ADCY8: variants seen among roughly 807,000 people sequenced by gnomAD.
The protein encoded by ADCY8 is adenylate cyclase type 8.
ADCY8 carries 51 observed loss-of-function variants against 119.7 expected under a neutral mutation model. The observed-to-expected ratio is 0.43, with a 90% CI of 0.34 to 0.54. ADCY8 has a LOEUF of 0.54. ADCY8 is among the 20% of genes least tolerant of loss of function. The probability of loss-of-function intolerance (pLI) is 0.03; values close to 1 mark genes in which losing one functional copy is unlikely to be tolerated. For missense variants in ADCY8, 1,383 were observed against 1,598.8 expected (o/e 0.87, Z 2.30); for synonymous variants, 665 against 651.0 (o/e 1.02, Z -0.33).
intron 15 of ADCY8, among the ~76,000 whole-genome samples, chr8:130,794,332 C>T (rs1586419318): frequency 6.6e-6 from 1 of 152,238 alleles, no homozygotes; most frequent in Non-Finnish European, 1.5e-5. Context: ...GCAACCTCCA[C>T]TTCCCAGGTT....
intron 12 of ADCY8, 124 bp downstream of exon 12, chr8:130,836,153 G>T: frequency 9.2e-7 from 1 of 1,090,982 alleles, no homozygotes; most frequent in Non-Finnish European, 1.3e-6. Flanking sequence ...TGCCTGATTT[G>T]AGATATAAGT....
At chr8:130,956,484 G>A (rs1195877143) in intron 2 of ADCY8, among the ~76,000 whole-genome samples, 1 of 152,132 alleles carries the variant, frequency 6.6e-6, no homozygotes, top group East Asian at 1.9e-4. Flanking sequence ...GTGGTGAAGG[G>A]GATTAGTCAC....
Position 131,040,328 on chromosome 8 carries a change from C to A in ADCY8, c.6G>T (p.Glu2Asp). Reference protein sequence around the residue: MELSDVRCLTGS... With the variant: MDLSDVRCLTGS... ...CTGTAAGGCAGCGCACATCGGAGAG[C>A]TCCATGGCTCTGGGCCGCAGGGAAG... The change falls in exon 1 of 18, where the codon GAG (glutamate) becomes GAT (aspartate). Residue 2 changes from glutamate to aspartate, a missense_variant. Around this residue, in one of 2 missense-constraint regions of ADCY8, gnomAD observed 455 missense variants for 435.3 expected, o/e 1.05. Transcript: ENST00000286355. 6.6e-7 allele frequency: 1 copy of A among 1,516,742 alleles called. No homozygotes were observed. The highest frequency in any genetic ancestry group is 8.8e-7 in the Non-Finnish European group (1 of 1,137,342). The allele number at this position is 1,516,742 out of a possible 1,614,324, so 94.0% of individuals were successfully genotyped here.
intron 7 of ADCY8, among the ~76,000 whole-genome samples, chr8:130,899,560 C>T (rs570247214): frequency 1.3e-5 from 2 of 151,532 alleles, no homozygotes; most frequent in Non-Finnish European, 2.9e-5. Flanking sequence ...GAGCCGAGAT[C>T]GTGCCATTGC....
intron 5 of ADCY8, among the ~76,000 whole-genome samples, chr8:130,925,421 A>G (rs1331011031): frequency 6.6e-6 from 1 of 152,116 alleles, no homozygotes; most frequent in Non-Finnish European, 1.5e-5. Flanking sequence ...GAATTTTCCT[A>G]TTTGAAATTG....
At chr8:131,007,866 T>C (rs1467622098) in intron 1 of ADCY8, among the ~76,000 whole-genome samples, 2 of 151,276 alleles carry the variant, frequency 1.3e-5, no homozygotes, top group African/African-American at 4.9e-5. Flanking sequence ...ACTTACTGCA[T>C]AGAGGAATGA....
At chr8:130,932,353 C>T (rs548065675) in intron 5 of ADCY8, among the ~76,000 whole-genome samples, 86 of 152,274 alleles carry the variant, frequency 5.6e-4, no homozygotes, top group Non-Finnish European at 4.3e-4. Context: ...TATCTGCCAT[C>T]GGGGCGTGTG....
intron 7 of ADCY8, among the ~76,000 whole-genome samples, chr8:130,897,366 C>G (rs193069285): frequency 6.6e-6 from 1 of 152,180 alleles, no homozygotes; most frequent in Admixed American, 6.5e-5. Context: ...TGTTCACCAG[C>G]CCAGCCAGCC....
chr8:130,999,331 C>A (rs1822872574), intron 1 of ADCY8, among the ~76,000 whole-genome samples: 1 of 152,138 alleles, frequency 6.6e-6, no homozygotes, highest in African/African-American at 2.4e-5. Flanking sequence ...CTCACTTTCC[C>A]CTTCTCGTTC....
Position 130,992,377 on chromosome 8 carries a change from T to TATATATATTGAGCAACCGTGC in ADCY8, c.961-1836_961-1835insGCACGGTTGCTCAATATATAT, listed in dbSNP as rs1563758935. 4.9e-5 allele frequency among the ~76,000 whole-genome samples: 6 copies of TATATATATTGAGCAACCGTGC among 122,966 alleles called. 1 individual carries two copies. The highest frequency in any genetic ancestry group is 4.9e-4 in the Admixed American group (6 of 12,340). The allele number at this position is 122,966 out of a possible 152,430, so 80.7% of individuals were successfully genotyped here. On this transcript the variant is annotated intron_variant, in intron 1 of 17. Coordinates refer to ENST00000286355, the MANE Select transcript of ADCY8 (RefSeq NM_001115.3). Reference sequence around the variant, plus strand: ...GGGATTACATACATGAGCAACTGTATCTGGCATATATATATATATATATAT... The same window carrying TATATATATTGAGCAACCGTGC: ...GGGATTACATACATGAGCAACTGTATATATATATTGAGCAACCGTGCCTGGCATATATATATATATATATAT...
chr8:130,904,426 C>G (rs1298876912), intron 6 of ADCY8, among the ~76,000 whole-genome samples: 1 of 150,072 alleles, frequency 6.7e-6, no homozygotes, highest in Non-Finnish European at 1.5e-5. Flanking sequence ...GTTTCTGAAC[C>G]CCAGTGGCAA....
intron 5 of ADCY8, among the ~76,000 whole-genome samples, chr8:130,919,940 C>T (rs781198171): frequency 3.3e-5 from 5 of 151,996 alleles, no homozygotes; most frequent in Non-Finnish European, 5.9e-5. Flanking sequence ...ACATTATTAT[C>T]CCCATTTCCT....
At position 130,780,645 on chromosome 8, in the gene ADCY8, C is replaced by T. The variant is rs73354865; in HGVS notation, c.3501G>A (p.Thr1167=). The stretch of plus-strand genomic sequence containing the variant: ...GTTGGACTCTTCCCAGAAGAAAGTA[C>T]GTTTTGATTTTTCCTTCCTGTTCAC... ...GISEQEGKIK[T]YFLLGRVQPN... Residue 1167 remains threonine, a synonymous_variant, in exon 18 of 18, where the codon ACG becomes ACA. Transcript: ENST00000286355. The T allele has an allele frequency of 6.4e-5, 103 of 1,614,044 alleles. No individual in the cohort carries two copies. In the Admixed American group the frequency reaches 9.7e-4, roughly 15 times the overall value.
intron 5 of ADCY8, 109 bp downstream of exon 5, chr8:130,936,964 A>G: frequency 7.4e-7 from 1 of 1,345,968 alleles, no homozygotes; most frequent in Non-Finnish European, 9.9e-7. Flanking sequence ...AAATAAGTCA[A>G]AAGGTTCTGC....
chr8:130,867,899 T>C lies in ADCY8; in HGVS notation c.2157A>G (p.Ala719=), dbSNP rs1228745292. The change falls in exon 9 of 18, where the codon GCA becomes GCG. Residue 719 remains alanine, a synonymous_variant. Coordinates refer to ENST00000286355, the MANE Select transcript of ADCY8 (RefSeq NM_001115.3). ...CCGTGATAAATAGAAGAACGATAAA[T>C]GCACAGACCAAGTTTGACTTGAACA... ...DEVFKSNLVC[A]FIVLLFITAI... is the part of the protein sequence containing the mutation. The C allele has an allele frequency of 6.2e-7, 1 of 1,612,286 alleles. No homozygotes were observed. Among genetic ancestry groups the C allele is most frequent in the African/African-American group, 1.3e-5 (1 of 75,000 alleles).
At chr8:131,031,645 G>A (rs1407147407) in intron 1 of ADCY8, among the ~76,000 whole-genome samples, 1 of 152,140 alleles carries the variant, frequency 6.6e-6, no homozygotes, top group East Asian at 1.9e-4. Flanking sequence ...TTGAGGCCTT[G>A]AGTTCAATCT....
intron 14 of ADCY8, among the ~76,000 whole-genome samples, chr8:130,808,721 C>T (rs1033560609): frequency 2.0e-5 from 3 of 152,150 alleles, no homozygotes; most frequent in Non-Finnish European, 4.4e-5. Context: ...TTAGCTCTGA[C>T]CCCAATTCAG....
chr8:130,781,410 C>T (rs1586404332), intron 17 of ADCY8, among the ~76,000 whole-genome samples: 1 of 152,338 alleles, frequency 6.6e-6, no homozygotes, highest in East Asian at 1.9e-4. Context: ...AGCTCATCCT[C>T]CACACTGCTG....
chr8:130,844,018 G>C lies in ADCY8; in HGVS notation c.2502+3406C>G, dbSNP rs530250856. The stretch of plus-strand genomic sequence containing the variant: ...GGAGAAGAAAGGGAAGGAAATGCCA[G>C]CATGCCAAGACACAGATGATCACAT... On this transcript the variant is annotated intron_variant, in intron 11 of 17. Coordinates refer to ENST00000286355, the MANE Select transcript of ADCY8 (RefSeq NM_001115.3). Among the ~76,000 whole-genome samples, 23 of 152,256 alleles carry C rather than the reference G, an allele frequency of 1.5e-4. 1 individual carries two copies. In the East Asian group the frequency reaches 4.2e-3, roughly 28 times the overall value.
Sources: allele counts gnomAD v4.1 joint callset (sites outside exome capture counted in the v4.1 genomes callset), GRCh38; gene constraint gnomAD v4.1.1; regional missense constraint gnomAD v4.1.1; transcripts MANE v1.5; gene names NCBI Gene and HGNC (gene_info 2026-07-23, HGNC 2026-07-21).